Variants in NBPF3 observed in about 807,000 individuals in gnomAD.
NBPF3 encodes the protein NBPF member 3.
A neutral mutation model predicts 78.1 loss-of-function variants in NBPF3; 57 were observed. The observed-to-expected ratio is 0.73, with a 90% CI of 0.59 to 0.91. The LOEUF (loss-of-function observed/expected upper bound fraction) is 0.91, where lower values mean the gene tolerates loss of function less well. NBPF3 is among the 40% of genes least tolerant of loss of function. NBPF3 has a pLI of 0.00. For synonymous variants in NBPF3, 182 were observed against 271.7 expected (o/e 0.67, Z 3.25); for missense variants, 510 against 715.3 (o/e 0.71, Z 3.27).
chr1:21,467,791 A>G (rs1240327130), intron 2 of NBPF3, among the ~76,000 whole-genome samples: 1 of 152,216 alleles, frequency 6.6e-6, no homozygotes, highest in Admixed American at 6.5e-5. Context: ...GACATCCATA[A>G]GTGACGAGTA....
intron 2 of NBPF3, among the ~76,000 whole-genome samples, chr1:21,452,663 G>A (rs1357494558): frequency 3.3e-5 from 5 of 152,252 alleles, no homozygotes; most frequent in African/African-American, 9.6e-5. Flanking sequence ...GAAGCAAAGC[G>A]TGGCTGAGGC....
At chr1:21,449,268 G>T (rs547692433) in intron 2 of NBPF3, among the ~76,000 whole-genome samples, 5 of 152,104 alleles carry the variant, frequency 3.3e-5, no homozygotes, top group Admixed American at 1.3e-4. Context: ...TTCTAGGGAT[G>T]TTTTTTGGGG....
chr1:21,468,968 C>T, intron 3 of NBPF3, 71 bp downstream of exon 3: 3 of 1,190,272 alleles, frequency 2.5e-6, no homozygotes, highest in Middle Eastern at 2.0e-4. Context: ...AAACTAAATG[C>T]TCTCTCCATC....
At chr1:21,468,663 G>T in intron 2 of NBPF3, 25 bp from the exon 3 acceptor site, 1 of 1,611,408 alleles carries the variant, frequency 6.2e-7, no homozygotes, top group Non-Finnish European at 8.5e-7. Context: ...TTAACCCATC[G>T]TGTGTTTGGG....
rs141340113 is a variant in NBPF3 at position 21,473,486 on chromosome 1, G to A, written c.841G>A (p.Gly281Arg). Residue 281 changes from glycine to arginine, a missense_variant, in exon 7 of 15, where the codon GGG (glycine) becomes AGG (arginine). Gly to Arg is a moderately radical substitution (Grantham distance 125, BLOSUM62 -2). This residue lies in a region of NBPF3 where 440 missense variants were observed against 478.2 expected (regional missense o/e 0.92). Transcript: ENST00000318249. ...CCCTTGTGAGTCCAACCAGCCTTAC[G>A]GGAACACCAGAATCACATTTGAGGA... ...HHPCESNQPY[G>R]NTRITFEEDQ... is the part of the protein sequence containing the mutation. 1.5e-4 allele frequency: 235 copies of A among 1,614,142 alleles called. No individual in the cohort carries two copies. Among genetic ancestry groups the A allele is most frequent in the East Asian group, 2.7e-4 (12 of 44,880 alleles).
At chr1:21,439,756 A>G (rs1640514998), upstream of NBPF3, among the ~76,000 whole-genome samples, 1 of 152,068 alleles carries the variant, frequency 6.6e-6, no homozygotes, top group African/African-American at 2.4e-5. Flanking sequence ...TAAATGTACC[A>G]TCTTTTCAGA....
chr1:21,470,678 G>A lies in NBPF3; in HGVS notation c.390G>A (p.Glu130=), dbSNP rs1642536568. ...KDLIKSMLRD[E]RLLTEEKLAE... Reference sequence around the variant, plus strand: ...TCATAAAATCTATGCTGAGGGATGAGCGGCTGCTCACAGAAGAGAAGCTTG... The same window carrying A: ...TCATAAAATCTATGCTGAGGGATGAACGGCTGCTCACAGAAGAGAAGCTTG... Residue 130 remains glutamate (E), a synonymous_variant, in exon 4 of 15, where the codon GAG becomes GAA. Coordinates refer to ENST00000318249, the MANE Select transcript of NBPF3 (RefSeq NM_032264.6). 1 of 1,601,300 alleles carries A rather than the reference G, an allele frequency of 6.2e-7. No individual in the cohort carries two copies. Among genetic ancestry groups the A allele is most frequent in the South Asian group, 1.1e-5 (1 of 90,916 alleles).
chr1:21,443,639 T>C (rs1299326726), intron 1 of NBPF3, among the ~76,000 whole-genome samples: 2 of 151,842 alleles, frequency 1.3e-5, no homozygotes, highest in Admixed American at 6.6e-5. Context: ...CTTGAGACAG[T>C]GTCTCGCTCT....
upstream of NBPF3, among the ~76,000 whole-genome samples, chr1:21,437,847 C>G (rs1441991182): frequency 7.1e-6 from 1 of 139,970 alleles, no homozygotes; most frequent in Admixed American, 7.2e-5. Flanking sequence ...TCTTTTGAGA[C>G]GGAGTTTCAC....
At chr1:21,464,841 CTA>C (rs1489412245) in intron 2 of NBPF3, among the ~76,000 whole-genome samples, 1 of 151,712 alleles carries the variant, frequency 6.6e-6, no homozygotes, top group Non-Finnish European at 1.5e-5. Flanking sequence ...GACCTTGTCT[CTA>C]TGAAAAATAA....
intron 2 of NBPF3, chr1:21,467,383 G>T: frequency 1.0e-6 from 1 of 985,834 alleles, no homozygotes. Context: ...ACAAAACCTA[G>T]GTGGGGATGA....
intron 2 of NBPF3, among the ~76,000 whole-genome samples, chr1:21,455,824 A>T (rs113808821): frequency 3.3e-5 from 5 of 152,288 alleles, no homozygotes; most frequent in African/African-American, 1.2e-4. Flanking sequence ...GATTTAACAG[A>T]GGGGTGGCTG....
At position 21,460,914 on chromosome 1, in the gene NBPF3, T is replaced by C. The variant is rs1305646137; in HGVS notation, c.134-7774T>C. Among the ~76,000 whole-genome samples the C allele has an allele frequency of 4.6e-5, 7 of 152,140 alleles. No individual in the cohort carries two copies. Among genetic ancestry groups the C allele is most frequent in the Non-Finnish European group, 4.4e-5 (3 of 68,022 alleles). On this transcript the variant is annotated intron_variant, in intron 2 of 14. Transcript: ENST00000318249. This position sits in a 1 kb window ranked among gnomAD's most constrained non-coding sequence, Gnocchi z 4.2. ...ATTCAAAATATATAAAGAACTCCTA[T>C]AGGTTACAAGAAAATGACAAACACA...
intron 2 of NBPF3, 28 bp downstream of exon 2, chr1:21,445,247 G>A (rs780253950): frequency 1.7e-5 from 27 of 1,608,138 alleles, no homozygotes; most frequent in South Asian, 7.7e-5. Context: ...TTGCCAGCTC[G>A]GTGGGGTCAG....
chr1:21,437,459 G>T (rs1420762394), upstream of NBPF3: 2 of 1,441,000 alleles, frequency 1.4e-6, no homozygotes, highest in Admixed American at 2.1e-5. Context: ...CAAGACCGAG[G>T]GCACCATGCA....
intron 10 of NBPF3, among the ~76,000 whole-genome samples, chr1:21,479,848 G>GTGTGTGTA (rs746655034): frequency 6.0e-4 from 73 of 121,858 alleles, no homozygotes; most frequent in Non-Finnish European, 1.0e-3. Context: ...GTGTGTGTGT[G>GTGTGTGTA]TGTGTATGTG....
chr1:21,452,503 G>A (rs1416350675), intron 2 of NBPF3, among the ~76,000 whole-genome samples: 1 of 152,220 alleles, frequency 6.6e-6, no homozygotes, highest in Non-Finnish European at 1.5e-5. Flanking sequence ...GGGAGATAGT[G>A]GAACAGAAGC....
intron 5 of NBPF3, 152 bp from the exon 6 acceptor site, chr1:21,472,691 C>T (rs1642663366): frequency 8.7e-6 from 6 of 687,664 alleles, no homozygotes; most frequent in Non-Finnish European, 1.6e-5. Flanking sequence ...ATCGGGAAAC[C>T]ATGCCAGGGC....
Position 21,455,273 on chromosome 1 carries a change from T to C in NBPF3, c.133+10054T>C, listed in dbSNP as rs569666779. Among the ~76,000 whole-genome samples, 62 of 152,352 alleles carry C rather than the reference T, an allele frequency of 4.1e-4. 1 individual carries two copies. Among genetic ancestry groups the C allele is most frequent in the Admixed American group, 2.9e-3 (45 of 15,302 alleles). On this transcript the variant is annotated intron_variant, in intron 2 of 14. Coordinates refer to ENST00000318249, the MANE Select transcript of NBPF3 (RefSeq NM_032264.6). The stretch of plus-strand genomic sequence containing the variant: ...GATCTCGATTACATCTGTTAACTTG[T>C]TTTTGCCATAAATTGTAACACAATC...
Sources: allele counts gnomAD v4.1 joint callset (sites outside exome capture counted in the v4.1 genomes callset), GRCh38; gene constraint gnomAD v4.1.1; regional missense constraint gnomAD v4.1.1; non-coding constraint Gnocchi (gnomAD v3.1); transcripts MANE v1.5; gene names NCBI Gene and HGNC (gene_info 2026-07-23, HGNC 2026-07-21).